Variants in ZNF726 observed in about 807,000 individuals in gnomAD.
ZNF726 encodes zinc finger protein 726, also known as zinc finger protein 92 pseudogene 3.
In ZNF726, 15 loss-of-function variants were observed where a neutral mutation model predicts 11.6. The ratio of observed to expected loss-of-function variants is 1.29; its 90% CI spans 0.86 to 1.99. The LOEUF (loss-of-function observed/expected upper bound fraction) is 1.99. Among genes scored for constraint, ZNF726 ranks in the 30% most tolerant of loss-of-function variants. The pLI is 0.00. For missense variants in ZNF726, 890 were observed against 725.6 expected (o/e 1.23, Z -2.60); for synonymous variants, 295 against 243.6 (o/e 1.21, Z -1.96).
chr19:23,916,700 G>A (rs753912155), intron 1 of ZNF726, among the ~76,000 whole-genome samples: 1 of 151,976 alleles, frequency 6.6e-6, no homozygotes, highest in African/African-American at 2.4e-5. Context: ...TATTTCCTAC[G>A]AGAATAAAGC....
chr19:23,935,757 C>T (rs367998500), downstream of ZNF726: 18 of 176,432 alleles, frequency 1.0e-4, no homozygotes, highest in East Asian at 7.5e-4. Flanking sequence ...CTTATTGCAC[C>T]GGTAAGCATT....
chr19:23,930,523 A>G (rs1300727801), intron 3 of ZNF726, among the ~76,000 whole-genome samples: 1 of 152,116 alleles, frequency 6.6e-6, no homozygotes, highest in African/African-American at 2.4e-5. Flanking sequence ...GTGGAGCAAA[A>G]TCATATATGA....
At chr19:23,935,542 T>A, downstream of ZNF726, 1 of 354,346 alleles carries the variant, frequency 2.8e-6, no homozygotes, top group South Asian at 2.3e-5. Flanking sequence ...AGAGAAACTC[T>A]ACAAATCTGA....
At chr19:23,925,942 C>A (rs1967976798) in intron 3 of ZNF726, among the ~76,000 whole-genome samples, 1 of 151,802 alleles carries the variant, frequency 6.6e-6, no homozygotes, top group Non-Finnish European at 1.5e-5. Context: ...GTCTGGAACA[C>A]CTGTCCTCGT....
At chr19:23,924,045 C>CT (rs35051692) in intron 3 of ZNF726, among the ~76,000 whole-genome samples, 196 of 145,100 alleles carry the variant, frequency 1.4e-3, no homozygotes, top group Middle Eastern at 7.2e-3. Context: ...TTTCTTAGCT[C>CT]TTTTTTTTTT....
rs182291108 is a variant in ZNF726 at position 23,920,049 on chromosome 19, A to G, written c.193A>G (p.Met65Val). 3.2e-4 allele frequency: 504 copies of G among 1,588,220 alleles called. 1 individual carries two copies. The highest frequency in any genetic ancestry group is 1.7e-3 in the Middle Eastern group (10 of 5,924). ...GGAGAAAGAAAAAGAGCCCTGGAAT[A>G]TGAAGCGAGATGAGATGGTGGATGA... is the stretch of plus-strand genomic sequence containing the variant. Reference protein sequence around the residue: ...CLEKEKEPWNMKRDEMVDEPP... With the variant: ...CLEKEKEPWNVKRDEMVDEPP... Residue 65 changes from methionine to valine, a missense_variant, in exon 3 of 4, where the codon ATG (methionine) becomes GTG (valine). Transcript: ENST00000594466.
chr19:23,932,657 T>C lies in ZNF726; in HGVS notation c.541T>C (p.Ser181Pro). The C allele has an allele frequency of 6.3e-7, 1 of 1,577,570 alleles. No individual in the cohort carries two copies. The change falls in exon 4 of 4, where the codon TCA (serine) becomes CCA (proline). Residue 181 changes from serine to proline, a missense_variant. Transcript: ENST00000594466. ...KPFKCKNCVK[S>P]FCMFSHKTQH... is the part of the protein sequence containing the mutation. The stretch of plus-strand genomic sequence containing the variant: ...TTTCAAATGTAAAAATTGTGTCAAA[T>C]CATTTTGCATGTTTTCACACAAAAC...
chr19:23,942,387 C>G (rs1968352120), intron 3 of ZNF726, among the ~76,000 whole-genome samples: 1 of 152,074 alleles, frequency 6.6e-6, no homozygotes, highest in African/African-American at 2.4e-5. Context: ...ATCATATGAT[C>G]TATCTTGGAA....
At chr19:23,931,707 A>G (rs970797816) in intron 3 of ZNF726, among the ~76,000 whole-genome samples, 1 of 152,120 alleles carries the variant, frequency 6.6e-6, no homozygotes, top group African/African-American at 2.4e-5. Flanking sequence ...TAGGACCTGT[A>G]TTGTCTGAAA....
intron 1 of ZNF726, among the ~76,000 whole-genome samples, chr19:23,916,453 C>G (rs914141879): frequency 3.6e-4 from 55 of 152,178 alleles, no homozygotes; most frequent in African/African-American, 1.2e-3. Context: ...ATTTCTGTCT[C>G]CCAAGTAGCT....
chr19:23,936,882 C>T (rs1968242040), downstream of ZNF726, among the ~76,000 whole-genome samples: 5 of 152,110 alleles, frequency 3.3e-5, no homozygotes, highest in African/African-American at 9.7e-5. Flanking sequence ...CGGCAACCAT[C>T]CGATTTCTCA....
chr19:23,919,125 T>C (rs917714825), intron 1 of ZNF726: 10 of 389,322 alleles, frequency 2.6e-5, no homozygotes, highest in Non-Finnish European at 4.0e-5. Context: ...TAGTACATTT[T>C]TACACTTTAT....
Position 23,943,585 on chromosome 19 carries a change from C to A in ZNF726, c.318C>A (p.Tyr106Ter). 2 of 635,248 alleles carry A rather than the reference C, an allele frequency of 3.1e-6. No homozygotes were observed. The highest frequency in any genetic ancestry group is 1.8e-5 in the African/African-American group (1 of 56,460). 39.4% of individuals were successfully genotyped at this position (635,248 alleles called of 1,614,324 possible). A position where few individuals can be genotyped will look rare whatever the true frequency, so the allele number is the denominator to read the frequency against. Residue 106 changes from tyrosine (Y) to a stop codon, truncating the protein, a stop_gained, in exon 4 of 5, where the codon TAC becomes TAA. Coordinates refer to the ZNF726 transcript ENST00000334589. LOFTEE classifies it high-confidence loss of function. ...AGAGACATGAGACAGTAGTCAAATA[C>A]TCAGGTAGGTAAGCATGAATGAAGC... is the stretch of plus-strand genomic sequence containing the variant.
intron 1 of ZNF726, among the ~76,000 whole-genome samples, chr19:23,916,699 C>T (rs933187261): frequency 3.2e-4 from 48 of 152,010 alleles, no homozygotes; most frequent in African/African-American, 1.1e-3. Flanking sequence ...ATATTTCCTA[C>T]GAGAATAAAG....
chr19:23,933,891 C>G lies in ZNF726; in HGVS notation c.1775C>G (p.Pro592Arg). Reference protein sequence around the residue: ...THKIIHTGEKPYKCDECGKSF... With the variant: ...THKIIHTGEKRYKCDECGKSF... ...AAGATAATTCATACTGGAGAGAAAC[C>G]TTACAAGTGTGACGAATGTGGCAAA... Residue 592 changes from proline to arginine, a missense_variant, in exon 4 of 4, where the codon CCT becomes CGT. Physicochemically the swap from Pro to Arg is moderately radical, Grantham distance 103 (BLOSUM62 -2). Transcript: ENST00000594466. 1.3e-6 allele frequency: 2 copies of G among 1,590,472 alleles called. No homozygotes were observed. The highest frequency in any genetic ancestry group is 1.3e-5 in the African/African-American group (1 of 74,174).
chr19:23,921,144 A>C (rs1049454100), intron 3 of ZNF726: 2 of 152,212 alleles, frequency 1.3e-5, no homozygotes, highest in South Asian at 2.1e-4. Context: ...AAAAATAAAA[A>C]AATTAGCTGG....
At position 23,932,835 on chromosome 19, in the gene ZNF726, A is replaced by C; in HGVS notation, c.719A>C (p.Gln240Pro). ...GAAGAATATGGCAAAGCTTTTAATC[A>C]ATCCTCAAATTATACTACACATAAG... ...KCEEYGKAFNQSSNYTTHKVT... is the reference protein window; with the variant it reads ...KCEEYGKAFNPSSNYTTHKVT... Residue 240 changes from glutamine to proline, a missense_variant, in exon 4 of 4, where the codon CAA (glutamine) becomes CCA (proline). Transcript: ENST00000594466. 1 of 1,606,332 alleles carries C rather than the reference A, an allele frequency of 6.2e-7. No individual in the cohort carries two copies.
In ZNF726 at chr19:23,942,596, C is replaced by A. The variant is rs934231045; in HGVS notation, c.227-898C>A. ...CCTCTTATGGTATTGATGTCTATCT[C>A]ATTTCTTAGGTCTATTAATAATTGT... On this transcript the variant is annotated intron_variant, in intron 3 of 4. Transcript: ENST00000334589. Among the ~76,000 whole-genome samples, 6 of 152,092 alleles carry A rather than the reference C, an allele frequency of 3.9e-5. No individual in the cohort carries two copies. In the South Asian group the frequency reaches 6.2e-4, roughly 16 times the overall value.
In ZNF726 at chr19:23,933,220, C is replaced by T. The variant is rs562487585; in HGVS notation, c.1104C>T (p.Pro368=). 5.8e-5 allele frequency: 94 copies of T among 1,612,730 alleles called. No individual in the cohort carries two copies. The South Asian group carries it at 8.9e-4, about 15-fold the overall frequency. The part of the protein sequence containing the change: ...THRIIHTGEK[P]YKCEECGKAF... ...GGATAATTCATACTGGAGAGAAACCCTACAAATGTGAAGAATGTGGCAAAG... is the reference window on the plus strand; with the variant it reads ...GGATAATTCATACTGGAGAGAAACCTTACAAATGTGAAGAATGTGGCAAAG... The change falls in exon 4 of 4, where the codon CCC becomes CCT. Residue 368 remains proline (P), a synonymous_variant. Transcript: ENST00000594466.
Sources: gnomAD v4.1 joint callset for allele counts (sites outside exome capture counted in the v4.1 genomes callset) on GRCh38, gnomAD v4.1.1 for gene constraint, MANE v1.5 for transcripts, NCBI Gene and HGNC (gene_info 2026-07-23, HGNC 2026-07-21) for gene names.